PPM1F: variants seen among roughly 807,000 people sequenced by gnomAD.
The protein encoded by PPM1F is protein phosphatase, Mg2+/Mn2+ dependent 1F, also known as protein phosphatase 1F.
In PPM1F, 17 loss-of-function variants were observed where a neutral mutation model predicts 35.5. The ratio of observed to expected loss-of-function variants is 0.48; its 90% confidence interval spans 0.33 to 0.72. The LOEUF (loss-of-function observed/expected upper bound fraction) is 0.72. Ranked by LOEUF, PPM1F falls within the 30% of genes least tolerant of loss-of-function variation. The pLI is 0.02. For synonymous variants in PPM1F, 241 were observed against 255.5 expected (o/e 0.94, Z 0.54); for missense variants, 521 against 613.0 (o/e 0.85, Z 1.59).
rs534964516 is a variant in PPM1F at position 21,931,132 on chromosome 22, G to A, written c.891+16C>T. ...GGCCAGGAATATCCTGGGCCTGGGC[G>A]CAGGGATCCCCTTACCTGCCGTTCT... is the stretch of plus-strand genomic sequence containing the variant. On this transcript the variant is annotated intron_variant, in intron 6 of 7. Coordinates refer to ENST00000263212, the MANE Select transcript of PPM1F (RefSeq NM_014634.4). 6.1e-5 allele frequency: 98 copies of A among 1,613,614 alleles called. 1 individual carries two copies. The South Asian group carries it at 7.1e-4, about 12-fold the overall frequency.
chr22:21,948,644 GCCCCCAGC>G (rs1165545756), intron 1 of PPM1F: 1 of 152,308 alleles, frequency 6.6e-6, no homozygotes, highest in Non-Finnish European at 1.5e-5. Context: ...ATGCAGAGCT[GCCCCCAGC>G]AACTGCCAGT....
At chr22:21,949,496 C>A (rs1211248215) in intron 1 of PPM1F, 2 of 152,440 alleles carry the variant, frequency 1.3e-5, no homozygotes, top group African/African-American at 4.8e-5. Flanking sequence ...CCTGGAGGGG[C>A]AGGGGACAGT....
rs1204565582 is a variant in PPM1F at position 21,939,045 on chromosome 22, C to T, written c.355+487G>A. On this transcript the variant is annotated intron_variant, in intron 3 of 7. Coordinates refer to ENST00000263212, the MANE Select transcript of PPM1F (RefSeq NM_014634.4). The surrounding 1 kb of genome is among the most constrained non-coding windows in gnomAD (Gnocchi z 5.1). ...CAACAGAATCCTGACTTGGGGGCAG[C>T]TGAGGCAGGGGGCCCGAGCGTTGAG... 3.7e-5 allele frequency: 6 copies of T among 160,094 alleles called. No homozygotes were observed. The South Asian group carries it at 7.7e-4, about 21-fold the overall frequency. The allele number at this position is 160,094 out of a possible 1,614,324, so 9.9% of individuals were successfully genotyped here. A position where few individuals can be genotyped will look rare whatever the true frequency, so the allele number is the denominator to read the frequency against.
intron 3 of PPM1F, 112 bp from the exon 4 acceptor site, chr22:21,934,338 G>A (rs2145798291): frequency 1.2e-6 from 1 of 833,874 alleles, no homozygotes; most frequent in Non-Finnish European, 1.9e-6. Flanking sequence ...TCACCTCCCG[G>A]GGCATTGTGA....
intron 1 of PPM1F, chr22:21,946,318 G>A (rs150813719): frequency 1.8e-4 from 63 of 359,804 alleles, no homozygotes; most frequent in African/African-American, 1.3e-3. Flanking sequence ...GGTGCCAGGA[G>A]CAGCAGCTGG....
chr22:21,927,572 A>G (rs1394315145), intron 6 of PPM1F, among the ~76,000 whole-genome samples: 1 of 152,240 alleles, frequency 6.6e-6, no homozygotes, highest in East Asian at 1.9e-4. Context: ...TCTCCCCCAC[A>G]GGGGGCCATG....
intron 5 of PPM1F, chr22:21,932,600 G>A (rs898415644): frequency 6.6e-6 from 1 of 152,174 alleles, no homozygotes; most frequent in African/African-American, 2.4e-5. Flanking sequence ...GGGCTACAAG[G>A]AGGACCTAGT....
chr22:21,951,806 C>T (rs2070841873), intron 1 of PPM1F: 1 of 152,260 alleles, frequency 6.6e-6, no homozygotes, highest in South Asian at 2.1e-4. Flanking sequence ...AGGGCAAGCA[C>T]CCATTTAAGG....
In PPM1F at chr22:21,925,639, T is replaced by G; in HGVS notation, c.915A>C (p.Ala305=). ...CCATGTGAGACACAAAGCCACCCAA[T>G]GCTTCAATGCGCGCCTTCTCATCCT... ...ERQDEKARIE[A]LGGFVSHMDC... is the part of the protein sequence containing the mutation. Residue 305 remains alanine, a synonymous_variant, in exon 7 of 8, where the codon GCA becomes GCC. Coordinates refer to ENST00000263212, the MANE Select transcript of PPM1F (RefSeq NM_014634.4). The G allele has an allele frequency of 1.3e-6, 2 of 1,598,550 alleles. No individual in the cohort carries two copies.
At chr22:21,933,710 A>T in intron 4 of PPM1F, 131 bp from the exon 5 acceptor site, 1 of 836,524 alleles carries the variant, frequency 1.2e-6, no homozygotes, top group Non-Finnish European at 1.8e-6. Context: ...TGTGCGTATG[A>T]GGGGGTAGGT....
At chr22:21,923,882 G>T (rs1377002420) in intron 7 of PPM1F, among the ~76,000 whole-genome samples, 1 of 150,956 alleles carries the variant, frequency 6.6e-6, no homozygotes, top group Non-Finnish European at 1.5e-5. Context: ...TAGAGATGGG[G>T]TTTCACCATG....
intron 6 of PPM1F, among the ~76,000 whole-genome samples, chr22:21,928,256 C>T (rs567048144): frequency 1.4e-4 from 22 of 152,278 alleles, no homozygotes; most frequent in Admixed American, 3.3e-4. Flanking sequence ...GCCGCAGCAG[C>T]GTCGCCTATG....
chr22:21,931,887 A>G (rs2070595290), intron 5 of PPM1F, among the ~76,000 whole-genome samples: 1 of 151,906 alleles, frequency 6.6e-6, no homozygotes, highest in South Asian at 2.1e-4. Context: ...GTCTCAGCTC[A>G]CTGCAACTTC....
In PPM1F at chr22:21,946,038, C is replaced by T. The variant is rs781470132; in HGVS notation, c.11G>A (p.Gly4Glu). 7 of 1,541,754 alleles carry T rather than the reference C, an allele frequency of 4.5e-6. No individual in the cohort carries two copies. Among genetic ancestry groups the T allele is most frequent in the Admixed American group, 1.9e-5 (1 of 51,328 alleles). Residue 4 changes from glycine (G) to glutamate (E), a missense_variant, in exon 2 of 8, where the codon GGA becomes GAA. Gly to Glu is a moderately conservative substitution (Grantham distance 98, BLOSUM62 -2). This residue lies in a region of PPM1F where 311 missense variants were observed against 351.5 expected (regional missense o/e 0.88). Transcript: ENST00000263212. MSS[G>E]APQKSSPMAS... is the part of the protein sequence containing the mutation. ...CATTGGGCTGCTCTTCTGTGGGGCTCCAGAGGACATGCCCAAAGCATCCCG... is the reference window on the plus strand; with the variant it reads ...CATTGGGCTGCTCTTCTGTGGGGCTTCAGAGGACATGCCCAAAGCATCCCG...
intron 3 of PPM1F, chr22:21,938,722 T>C: frequency 2.3e-6 from 1 of 442,726 alleles, no homozygotes; most frequent in Non-Finnish European, 3.0e-6. Flanking sequence ...TGCTACCCCC[T>C]TGTGGCACCC....
chr22:21,938,246 T>A (rs1002078159), intron 3 of PPM1F: 3 of 1,300,946 alleles, frequency 2.3e-6, no homozygotes, highest in Admixed American at 2.3e-5. Flanking sequence ...CAGAGACCCA[T>A]CAGGCGGGGA....
chr22:21,934,187 C>T lies in PPM1F; in HGVS notation c.395G>A (p.Arg132His), dbSNP rs751912661. The T allele has an allele frequency of 5.7e-6, 9 of 1,578,972 alleles. No individual in the cohort carries two copies. Among genetic ancestry groups the T allele is most frequent in the East Asian group, 2.3e-5 (1 of 43,462 alleles). The change falls in exon 4 of 8, where the codon CGC becomes CAC. Residue 132 changes from arginine (R) to histidine (H), a missense_variant. Arg to His is a conservative substitution (Grantham distance 29). Around this residue, in one of 3 missense-constraint regions of PPM1F, gnomAD observed 311 missense variants for 351.5 expected, o/e 0.88. Coordinates refer to ENST00000263212, the MANE Select transcript of PPM1F (RefSeq NM_014634.4). ...AQSLAQSFFNRLWEVAGQWQK... is the reference protein window; with the variant it reads ...AQSLAQSFFNHLWEVAGQWQK... ...CCACTGGCCGGCGACTTCCCAAAGG[C>T]GGTTAAAGAAACTCTGTGCCAGGCT...
intron 2 of PPM1F, 30 bp downstream of exon 2, chr22:21,945,813 C>A (rs1328638862): frequency 6.3e-7 from 1 of 1,599,764 alleles, no homozygotes; most frequent in African/African-American, 1.3e-5. Flanking sequence ...GCCCTTACTC[C>A]CCGTCCCCTT....
intron 6 of PPM1F, among the ~76,000 whole-genome samples, chr22:21,930,145 C>T (rs2070572026): frequency 6.6e-6 from 1 of 152,226 alleles, no homozygotes; most frequent in Non-Finnish European, 1.5e-5. Context: ...CACTCTGTAA[C>T]AGAAAAGCAA....
Sources: allele counts gnomAD v4.1 joint callset (sites outside exome capture counted in the v4.1 genomes callset), GRCh38; gene constraint gnomAD v4.1.1; regional missense constraint gnomAD v4.1.1; non-coding constraint Gnocchi (gnomAD v3.1); transcripts MANE v1.5; gene names NCBI Gene and HGNC (gene_info 2026-07-23, HGNC 2026-07-21).